VPS13B: variants seen among roughly 807,000 people sequenced by gnomAD.
VPS13B encodes vacuolar protein sorting 13 homolog B.
A neutral mutation model predicts 426.4 loss-of-function variants in VPS13B; 285 were observed. That is an observed-to-expected ratio of 0.67 (90% CI 0.61 to 0.74). The LOEUF is 0.74. Among genes scored for constraint, VPS13B ranks in the 30% least tolerant of loss-of-function variants. The pLI, the probability that VPS13B is intolerant of heterozygous loss-of-function variation, is 0.00. For synonymous variants in VPS13B, 1,676 were observed against 1,676.4 expected, an observed-to-expected ratio of 1.00 and a Z score of 0.01; for missense variants, 4,537 against 4,782.6, an observed-to-expected ratio of 0.95 and a Z score of 1.51.
At chr8:99,631,914 C>T (rs1828863967) in intron 33 of VPS13B, among the ~76,000 whole-genome samples, 1 of 151,958 alleles carries the variant, frequency 6.6e-6, no homozygotes, top group South Asian at 2.1e-4. Flanking sequence ...TTAGTTTTGA[C>T]ATTAGCTCTA....
At position 99,854,076 on chromosome 8, in the gene VPS13B, C is replaced by T; in HGVS notation, c.10687C>T (p.Leu3563=). ...ALVNPVKLRK[L]VIQPVNLLVS... ...GGTGAATCCTGTGAAGTTACGGAAA[C>T]TGGTGATCCAGCCAGTAAATTTGCT... The change falls in exon 56 of 62, where the codon CTG becomes TTG. Residue 3563 remains leucine, a synonymous_variant. Transcript: ENST00000357162. The T allele has an allele frequency of 6.2e-7, 1 of 1,613,428 alleles. No homozygotes were observed. The highest frequency in any genetic ancestry group is 8.5e-7 in the Non-Finnish European group (1 of 1,179,428).
At chr8:99,619,980 G>T (rs947449458) in intron 33 of VPS13B, among the ~76,000 whole-genome samples, 6 of 150,070 alleles carry the variant, frequency 4.0e-5, no homozygotes, top group South Asian at 2.1e-4. Context: ...GTTATTAATG[G>T]TTTTTTTTTA....
At chr8:99,118,832 A>G (rs1016348623) in intron 7 of VPS13B, among the ~76,000 whole-genome samples, 1 of 152,166 alleles carries the variant, frequency 6.6e-6, no homozygotes, top group Non-Finnish European at 1.5e-5. Flanking sequence ...GTTTTTGGCT[A>G]TTATAAATAA....
intron 3 of VPS13B, among the ~76,000 whole-genome samples, chr8:99,087,316 T>C (rs531405442): frequency 2.0e-5 from 3 of 152,128 alleles, no homozygotes; most frequent in Non-Finnish European, 2.9e-5. Context: ...AAGCACAGTA[T>C]TAGGGTGGGA....
chr8:99,521,393 A>G (rs1186639767), intron 30 of VPS13B, among the ~76,000 whole-genome samples: 1 of 152,202 alleles, frequency 6.6e-6, no homozygotes, highest in African/African-American at 2.4e-5. Context: ...ATTTAAGTGT[A>G]AGCTATTATT....
At chr8:99,360,220 T>C (rs56390584) in intron 19 of VPS13B, among the ~76,000 whole-genome samples, 124 of 15,070 alleles carry the variant, frequency 8.2e-3, no homozygotes, top group Non-Finnish European at 0.011. Flanking sequence ...CTTTCTTTCT[T>C]TCTTTCTTTC....
chr8:99,271,652 G>A (rs1340968141), intron 17 of VPS13B, among the ~76,000 whole-genome samples: 3 of 152,190 alleles, frequency 2.0e-5, no homozygotes, highest in African/African-American at 7.2e-5. Flanking sequence ...AGTTCCACAT[G>A]GCTAGGGAGG....
intron 33 of VPS13B, among the ~76,000 whole-genome samples, chr8:99,611,565 C>T (rs184698752): frequency 1.4e-3 from 216 of 150,030 alleles, no homozygotes; most frequent in Non-Finnish European, 8.6e-4. Flanking sequence ...AACATACAAA[C>T]AAAAAAAAAC....
At chr8:99,354,449 C>T (rs906745080) in intron 19 of VPS13B, among the ~76,000 whole-genome samples, 1 of 151,238 alleles carries the variant, frequency 6.6e-6, no homozygotes, top group African/African-American at 2.4e-5. Flanking sequence ...TTAGTATGTT[C>T]ATGTGCCTGG....
intron 3 of VPS13B, among the ~76,000 whole-genome samples, chr8:99,089,954 C>T (rs1232745456): frequency 6.6e-6 from 1 of 152,078 alleles, no homozygotes; most frequent in Non-Finnish European, 1.5e-5. Context: ...TGTCTTATTG[C>T]TACAAAAAGT....
At chr8:99,260,449 C>T (rs975820270) in intron 17 of VPS13B, among the ~76,000 whole-genome samples, 3 of 151,998 alleles carry the variant, frequency 2.0e-5, no homozygotes, top group Non-Finnish European at 4.4e-5. Context: ...CCCTTAAAAG[C>T]AACCAGAGGG....
At chr8:99,029,267 G>A (rs1444167534) in intron 2 of VPS13B, among the ~76,000 whole-genome samples, 3 of 150,822 alleles carry the variant, frequency 2.0e-5, no homozygotes, top group African/African-American at 4.9e-5. Context: ...GATGGCGGCC[G>A]GGCAGAGACG....
intron 33 of VPS13B, among the ~76,000 whole-genome samples, chr8:99,613,495 A>G (rs547964045): frequency 6.6e-6 from 1 of 152,202 alleles, no homozygotes; most frequent in Non-Finnish European, 1.5e-5. Context: ...AGCAGCGACT[A>G]TACTTCCCTG....
intron 34 of VPS13B, among the ~76,000 whole-genome samples, chr8:99,654,867 A>G (rs1198317340): frequency 6.6e-6 from 1 of 152,082 alleles, no homozygotes; most frequent in Admixed American, 6.5e-5. Context: ...GCCAAAAAAA[A>G]AAAAAACTGT....
intron 12 of VPS13B, among the ~76,000 whole-genome samples, chr8:99,142,586 A>G (rs1563565039): frequency 6.6e-6 from 1 of 152,236 alleles, no homozygotes; most frequent in African/African-American, 2.4e-5. Flanking sequence ...CCAATTTTCA[A>G]TAGACTAAGA....
intron 2 of VPS13B, among the ~76,000 whole-genome samples, chr8:99,023,656 T>A (rs1237319310): frequency 1.3e-5 from 2 of 152,104 alleles, no homozygotes; most frequent in Non-Finnish European, 2.9e-5. Context: ...AATTTTTGTA[T>A]TTTTAGTAGA....
intron 19 of VPS13B, chr8:99,348,263 T>C: frequency 6.6e-6 from 1 of 152,236 alleles, no homozygotes; most frequent in East Asian, 1.9e-4. Context: ...TTCTGCACAC[T>C]GGAGGGCTTT....
At chr8:99,465,459 A>G (rs547610584) in intron 23 of VPS13B, among the ~76,000 whole-genome samples, 10 of 150,482 alleles carry the variant, frequency 6.6e-5, no homozygotes, top group Middle Eastern at 6.8e-3. Flanking sequence ...TCAATTTCCT[A>G]ATCTGATTCC....
In VPS13B at chr8:99,274,319, T is replaced by G. The variant is rs780187219; in HGVS notation, c.2637T>G (p.Cys879Trp). The G allele has an allele frequency of 6.2e-7, 1 of 1,614,124 alleles. No individual in the cohort carries two copies. The highest frequency in any genetic ancestry group is 8.5e-7 in the Non-Finnish European group (1 of 1,180,014). ...GGACCATGGGATCAATAAAAATTTG[T>G]GCCAAAGCCCCAGGTATGTGCAGCT... ...ASGTMGSIKI[C>W]AKAPVDSGKE... Residue 879 changes from cysteine (C) to tryptophan (W), a missense_variant, in exon 18 of 62, where the codon TGT becomes TGG. Transcript: ENST00000357162.
Sources: gnomAD v4.1 joint callset for allele counts (sites outside exome capture counted in the v4.1 genomes callset) on GRCh38, gnomAD v4.1.1 for gene constraint, MANE v1.5 for transcripts, NCBI Gene and HGNC (gene_info 2026-07-23, HGNC 2026-07-21) for gene names.